PDE4D: variants seen among roughly 807,000 people sequenced by gnomAD.
The protein encoded by PDE4D is phosphodiesterase 4D, also known as 3',5'-cyclic-AMP phosphodiesterase 4D.
In PDE4D, 24 loss-of-function variants were observed where a neutral mutation model predicts 87.4. The observed-to-expected ratio is 0.27, with a 90% confidence interval of 0.20 to 0.39. The LOEUF is 0.39. PDE4D is among the 10% of genes least tolerant of loss of function. The pLI, the probability that PDE4D is intolerant of heterozygous loss-of-function variation, is 1.00. For missense variants in PDE4D, 714 were observed against 1,041.0 expected (o/e 0.69, Z 4.32); for synonymous variants, 384 against 383.2 (o/e 1.00, Z -0.02).
chr5:60,515,136 T>C (rs541112232), intron 1 of PDE4D, among the ~76,000 whole-genome samples: 1 of 152,262 alleles, frequency 6.6e-6, no homozygotes, highest in East Asian at 1.9e-4. Flanking sequence ...CCATTTTTCT[T>C]TGTGTCAGTA....
At position 59,031,392 on chromosome 5, in the gene PDE4D, T is replaced by TTATA. The variant is rs138464552; in HGVS notation, c.921+7463_921+7466dup. Among the ~76,000 whole-genome samples, 32 of 34,250 alleles carry TTATA rather than the reference T, an allele frequency of 9.3e-4. 1 individual carries two copies. The highest frequency in any genetic ancestry group is 3.0e-3 in the South Asian group (3 of 1,012). 22.5% of individuals were successfully genotyped at this position (34,250 alleles called of 152,430 possible). A position where few individuals can be genotyped will look rare whatever the true frequency, so the allele number is the denominator to read the frequency against. Reference sequence around the variant, plus strand: ...ATATATATATATATATATATATATATTATATATATATATATATATATATAG... The same window carrying TTATA: ...ATATATATATATATATATATATATATTATATATATATATATATATATATATATAG... On this transcript the variant is annotated intron_variant, in intron 6 of 14. Transcript: ENST00000340635.
chr5:59,667,169 C>T lies in PDE4D; in HGVS notation c.455+225999G>A, dbSNP rs900162977. The stretch of plus-strand genomic sequence containing the variant: ...GCCAACTGAAGTCCATTTAGCAAAA[C>T]ATACACATTGTCAGTTAGCCTGAGA... On this transcript the variant is annotated intron_variant, in intron 1 of 14. Coordinates refer to ENST00000340635, the MANE Select transcript of PDE4D (RefSeq NM_001104631.2). Among the ~76,000 whole-genome samples the T allele has an allele frequency of 6.6e-5, 10 of 152,274 alleles. No individual in the cohort carries two copies. In the East Asian group the frequency reaches 1.7e-3, roughly 26 times the overall value.
intron 5 of PDE4D, among the ~76,000 whole-genome samples, chr5:59,071,590 G>A (rs1764807395): frequency 7.3e-6 from 1 of 136,908 alleles, no homozygotes; most frequent in Non-Finnish European, 1.5e-5. Flanking sequence ...TGGAAGCAAT[G>A]TTAATATTTA....
chr5:59,889,273 T>C (rs1478098582), intron 1 of PDE4D, among the ~76,000 whole-genome samples: 1 of 137,038 alleles, frequency 7.3e-6, no homozygotes, highest in Non-Finnish European at 1.6e-5. Context: ...AAATATAATA[T>C]GCGCAGAATT....
At chr5:59,483,847 G>T (rs1286835296) in intron 1 of PDE4D, among the ~76,000 whole-genome samples, 1 of 152,110 alleles carries the variant, frequency 6.6e-6, no homozygotes, top group Non-Finnish European at 1.5e-5. Flanking sequence ...TACCTTTAAG[G>T]CTGAGTGTTA....
At chr5:59,777,912 A>T (rs1764238484) in intron 1 of PDE4D, among the ~76,000 whole-genome samples, 1 of 152,234 alleles carries the variant, frequency 6.6e-6, no homozygotes, top group Admixed American at 6.5e-5. Flanking sequence ...GATGAGACAA[A>T]AAAAAGAAGT....
chr5:59,744,344 G>T (rs1261493110), intron 1 of PDE4D, among the ~76,000 whole-genome samples: 1 of 152,122 alleles, frequency 6.6e-6, no homozygotes, highest in Non-Finnish European at 1.5e-5. Context: ...AACTACAACA[G>T]AAGACACATC....
At chr5:59,067,395 A>C (rs1764106024) in intron 5 of PDE4D, among the ~76,000 whole-genome samples, 1 of 152,190 alleles carries the variant, frequency 6.6e-6, no homozygotes, top group Non-Finnish European at 1.5e-5. Context: ...GCTGAAAGAC[A>C]GAAAATAGCC....
At chr5:59,336,759 C>CT (rs1425873226) in intron 1 of PDE4D, among the ~76,000 whole-genome samples, 2 of 152,124 alleles carry the variant, frequency 1.3e-5, no homozygotes, top group African/African-American at 2.4e-5. Context: ...TCATTCCTTT[C>CT]TTTTTTTGGC....
intron 5 of PDE4D, among the ~76,000 whole-genome samples, chr5:59,155,082 T>C (rs775551137): frequency 2.0e-5 from 3 of 152,146 alleles, no homozygotes; most frequent in East Asian, 1.9e-4. Flanking sequence ...GTGAATAAAT[T>C]TGGAAATTGG....
At chr5:60,508,315 G>C (rs1467428975) in intron 1 of PDE4D, among the ~76,000 whole-genome samples, 1 of 152,178 alleles carries the variant, frequency 6.6e-6, no homozygotes, top group Non-Finnish European at 1.5e-5. Flanking sequence ...TGTCTTCCAT[G>C]ATCAATTGAG....
intron 2 of PDE4D, chr5:60,160,747 C>T: frequency 2.3e-6 from 1 of 440,706 alleles, no homozygotes; most frequent in Non-Finnish European, 4.5e-6. Context: ...ACAGAAGTAA[C>T]CAGAAATACT....
intron 5 of PDE4D, among the ~76,000 whole-genome samples, chr5:59,153,460 A>T (rs1453295388): frequency 6.6e-6 from 1 of 152,092 alleles, no homozygotes; most frequent in Non-Finnish European, 1.5e-5. Flanking sequence ...TCCATCATCC[A>T]CTTCTTTCAA....
chr5:60,396,623 C>T (rs1762901481), intron 1 of PDE4D, among the ~76,000 whole-genome samples: 1 of 152,088 alleles, frequency 6.6e-6, no homozygotes, highest in South Asian at 2.1e-4. Flanking sequence ...TCAAGGGATC[C>T]TGCCTCAAGG....
intron 1 of PDE4D, among the ~76,000 whole-genome samples, chr5:59,374,433 G>A (rs1292841650): frequency 2.0e-5 from 3 of 151,962 alleles, no homozygotes; most frequent in Non-Finnish European, 4.4e-5. Flanking sequence ...ACAAAGAAGG[G>A]CATTACATCA....
intron 1 of PDE4D, among the ~76,000 whole-genome samples, chr5:59,892,450 G>T (rs1410183361): frequency 6.6e-6 from 1 of 151,992 alleles, no homozygotes; most frequent in Non-Finnish European, 1.5e-5. Context: ...ACACAAGCTC[G>T]CACACACCGA....
chr5:60,487,180 C>T (rs1002479571), intron 1 of PDE4D, among the ~76,000 whole-genome samples: 1 of 152,198 alleles, frequency 6.6e-6, no homozygotes, highest in African/African-American at 2.4e-5. Context: ...ACAGAAGTTA[C>T]CCCCCAGCAA....
chr5:59,406,391 TCCTTCCCCCCC>T lies in PDE4D; in HGVS notation c.456-190434_456-190424del, dbSNP rs1199711461. Among the ~76,000 whole-genome samples the T allele has an allele frequency of 9.3e-4, 91 of 98,356 alleles. 2 individuals are homozygous for T. The highest frequency in any genetic ancestry group is 5.2e-4 in the African/African-American group (16 of 30,926). 64.5% of individuals were successfully genotyped at this position (98,356 alleles called of 152,430 possible). ...CGTCTCCCTTATCTTTCCTTATCTT[TCCTTCCCCCCC>T]CCCCCCCCCATAGAGTCTTGCTCTG... On this transcript the variant is annotated intron_variant, in intron 1 of 14. Coordinates refer to ENST00000340635, the MANE Select transcript of PDE4D (RefSeq NM_001104631.2).
chr5:59,305,366 ATT>A (rs965833262), intron 1 of PDE4D, among the ~76,000 whole-genome samples: 20 of 109,064 alleles, frequency 1.8e-4, no homozygotes, highest in African/African-American at 8.8e-4. Context: ...TTATTTATTT[ATT>A]TTTTTGTATG....
Sources: gnomAD v4.1 joint callset for allele counts (sites outside exome capture counted in the v4.1 genomes callset) on GRCh38, gnomAD v4.1.1 for gene constraint, MANE v1.5 for transcripts, NCBI Gene and HGNC (gene_info 2026-07-23, HGNC 2026-07-21) for gene names.